CNTN4: variants seen among roughly 807,000 people sequenced by gnomAD.
CNTN4 encodes contactin-4.
In CNTN4, 77 loss-of-function variants were observed where a neutral mutation model predicts 122.5. That is an observed-to-expected ratio of 0.63 (90% CI 0.52 to 0.76). The LOEUF is 0.76. Ranked by LOEUF, CNTN4 falls within the 30% of genes least tolerant of loss-of-function variation. CNTN4 has a pLI of 0.00. For missense variants in CNTN4, 1,256 were observed against 1,259.1 expected, an observed-to-expected ratio of 1.00 and a Z score of 0.04; for synonymous variants, 512 against 447.0, an observed-to-expected ratio of 1.15 and a Z score of -1.83.
chr3:2,867,671 T>C (rs899188609), intron 8 of CNTN4, among the ~76,000 whole-genome samples: 25 of 151,922 alleles, frequency 1.6e-4, no homozygotes, highest in Non-Finnish European at 3.1e-4. Context: ...CTGATACTGG[T>C]TCTTCCAGTT....
chr3:2,927,645 A>G (rs1391689359), intron 13 of CNTN4: 1 of 161,678 alleles, frequency 6.2e-6, no homozygotes, highest in Non-Finnish European at 1.4e-5. Context: ...CAGTATCAAG[A>G]ATTCTATATG....
At chr3:2,692,312 C>T (rs1306896871) in intron 4 of CNTN4, among the ~76,000 whole-genome samples, 4 of 152,082 alleles carry the variant, frequency 2.6e-5, no homozygotes, top group African/African-American at 7.2e-5. Context: ...CCTACAGTGC[C>T]CGGTGCTTTA....
chr3:2,751,585 G>A (rs2090094299), intron 6 of CNTN4, among the ~76,000 whole-genome samples: 2 of 152,068 alleles, frequency 1.3e-5, no homozygotes, highest in African/African-American at 2.4e-5. Flanking sequence ...AAAGAGGAGG[G>A]GATTTCAGTT....
intron 4 of CNTN4, among the ~76,000 whole-genome samples, chr3:2,571,979 T>C (rs1576041114): frequency 6.6e-6 from 1 of 152,366 alleles, no homozygotes; most frequent in South Asian, 2.1e-4. Context: ...CTCCATCTTC[T>C]GATACTGACT....
At chr3:2,884,449 A>C (rs1204954110) in intron 9 of CNTN4, among the ~76,000 whole-genome samples, 2 of 152,122 alleles carry the variant, frequency 1.3e-5, no homozygotes, top group African/African-American at 4.8e-5. Flanking sequence ...GTAATTTTTT[A>C]TGTCCTGAAA....
At chr3:2,609,161 A>G (rs2081379737) in intron 4 of CNTN4, among the ~76,000 whole-genome samples, 1 of 152,196 alleles carries the variant, frequency 6.6e-6, no homozygotes, top group Non-Finnish European at 1.5e-5. Flanking sequence ...CCTCTACAGA[A>G]TTTGTGTTGA....
chr3:2,198,985 C>T (rs1027854524), intron 2 of CNTN4, among the ~76,000 whole-genome samples: 58 of 152,172 alleles, frequency 3.8e-4, no homozygotes, highest in East Asian at 1.9e-4. Context: ...GCCGAATCAT[C>T]GTTTCACTAA....
At chr3:2,374,274 C>G (rs1427628820) in intron 3 of CNTN4, among the ~76,000 whole-genome samples, 1 of 152,156 alleles carries the variant, frequency 6.6e-6, no homozygotes, top group East Asian at 1.9e-4. Context: ...GTTTTGGATA[C>G]TACAGGTTGT....
intron 15 of CNTN4, among the ~76,000 whole-genome samples, chr3:3,030,431 C>T (rs763866800): frequency 6.6e-6 from 1 of 152,196 alleles, no homozygotes; most frequent in Admixed American, 6.5e-5. Flanking sequence ...CAATAAAATG[C>T]AGATACTTCC....
chr3:2,743,098 C>T (rs2089551957), intron 5 of CNTN4, among the ~76,000 whole-genome samples: 1 of 152,094 alleles, frequency 6.6e-6, no homozygotes, highest in Non-Finnish European at 1.5e-5. Context: ...TCATTATGCC[C>T]ACAACCACTT....
chr3:2,263,020 TG>T lies in CNTN4; in HGVS notation c.-144-76157del, dbSNP rs2040899270. ...GTTCCCAGTAGTTGTGGTACAACTGTGCTGGTTAATTCTATGGATCGGTGCT... is the reference window on the plus strand; with the variant it reads ...GTTCCCAGTAGTTGTGGTACAACTGTCTGGTTAATTCTATGGATCGGTGCT... On this transcript the variant is annotated intron_variant, in intron 2 of 24. Transcript: ENST00000418658. Among the ~76,000 whole-genome samples the T allele has an allele frequency of 1.3e-5, 2 of 152,134 alleles. 1 individual carries two copies. The highest frequency in any genetic ancestry group is 4.8e-5 in the African/African-American group (2 of 41,426).
chr3:2,394,198 G>C (rs541867357), intron 3 of CNTN4, among the ~76,000 whole-genome samples: 2 of 151,834 alleles, frequency 1.3e-5, no homozygotes, highest in African/African-American at 4.8e-5. Context: ...ATGAAAAAAA[G>C]GCATAATAGC....
chr3:3,024,753 C>T (rs1231241859), intron 14 of CNTN4, among the ~76,000 whole-genome samples: 1 of 152,126 alleles, frequency 6.6e-6, no homozygotes, highest in Admixed American at 6.6e-5. Context: ...TTTAAATACT[C>T]TCTTTAAAGA....
Position 3,039,940 on chromosome 3 carries a change from A to G in CNTN4, c.2164-97A>G. The stretch of plus-strand genomic sequence containing the variant: ...AAACGCCAAATAAGATGGGTGGAGA[A>G]GGATGTAGACAAGAATGTTACAAGG... On this transcript the variant is annotated intron_variant, in intron 19 of 24. Coordinates refer to ENST00000418658, the MANE Select transcript of CNTN4 (RefSeq NM_175607.3). The G allele has an allele frequency of 6.1e-6, 5 of 822,132 alleles. No homozygotes were observed. The South Asian group carries it at 7.1e-5, about 12-fold the overall frequency. The allele number at this position is 822,132 out of a possible 1,614,324, so 50.9% of individuals were successfully genotyped here. A position where few individuals can be genotyped will look rare whatever the true frequency, so the allele number is the denominator to read the frequency against.
At chr3:2,427,391 T>A (rs1575605884) in intron 3 of CNTN4, among the ~76,000 whole-genome samples, 3 of 152,272 alleles carry the variant, frequency 2.0e-5, no homozygotes, top group East Asian at 3.9e-4. Context: ...TTTGAGTGAG[T>A]TTCTTAATCC....
chr3:2,890,922 A>G (rs753474580), intron 10 of CNTN4, among the ~76,000 whole-genome samples: 24 of 152,214 alleles, frequency 1.6e-4, no homozygotes, highest in Non-Finnish European at 3.4e-4. Context: ...TTTCAGTGGT[A>G]AAATGCTATG....
chr3:2,695,577 T>C (rs1178532168), intron 4 of CNTN4, among the ~76,000 whole-genome samples: 1 of 152,246 alleles, frequency 6.6e-6, no homozygotes, highest in African/African-American at 2.4e-5. Context: ...TAACAGGTTT[T>C]GTGATAGACA....
At chr3:2,142,371 C>CT (rs201695135) in intron 2 of CNTN4, among the ~76,000 whole-genome samples, 16 of 144,964 alleles carry the variant, frequency 1.1e-4, no homozygotes, top group East Asian at 2.0e-4. Context: ...TTTTTTCTTT[C>CT]TTTTTTTTTT....
rs542896144 is a variant in CNTN4, at chr3:2,749,065, A to G, written c.358+3368A>G. On this transcript the variant is annotated intron_variant, in intron 6 of 24. Coordinates refer to ENST00000418658, the MANE Select transcript of CNTN4 (RefSeq NM_175607.3). ...AAGTTTCCGTGTCACCCTGTCTAAC[A>G]TAACAAGCAATTTCCATCATTTCTC... Among the ~76,000 whole-genome samples the G allele has an allele frequency of 5.9e-5, 9 of 152,336 alleles. No homozygotes were observed. The South Asian group carries it at 1.7e-3, about 28-fold the overall frequency.
Sources: gnomAD v4.1 joint callset for allele counts (sites outside exome capture counted in the v4.1 genomes callset) on GRCh38, gnomAD v4.1.1 for gene constraint, MANE v1.5 for transcripts, NCBI Gene and HGNC (gene_info 2026-07-23, HGNC 2026-07-21) for gene names.